Variants in SEPTIN11 observed in about 807,000 individuals in gnomAD.
SEPTIN11 encodes the protein septin 11, also known as septin-11.
Under a neutral mutation model 51.4 loss-of-function variants are expected in SEPTIN11, and 25 were observed. The observed-to-expected ratio is 0.49, with a 90% CI of 0.35 to 0.68. The LOEUF (loss-of-function observed/expected upper bound fraction) is 0.68, where lower values mean the gene tolerates loss of function less well. Ranked by LOEUF, SEPTIN11 falls within the 30% of genes least tolerant of loss-of-function variation. The probability of loss-of-function intolerance (pLI) is 0.00; values close to 1 mark genes in which losing one functional copy is unlikely to be tolerated. For missense variants in SEPTIN11, 381 were observed against 520.8 expected (o/e 0.73, Z 2.61); for synonymous variants, 174 against 184.1 (o/e 0.95, Z 0.44).
chr4:77,001,292 A>G (rs1156634820), intron 2 of SEPTIN11, among the ~76,000 whole-genome samples: 3 of 152,230 alleles, frequency 2.0e-5, no homozygotes, highest in Non-Finnish European at 2.9e-5. Flanking sequence ...AAAAAAATCT[A>G]TCACAGTGGC....
rs1328639853 is a variant in SEPTIN11, at chr4:77,038,202, G to C, written c.*3690G>C. On this transcript the variant is annotated 3_prime_UTR_variant, in exon 10 of 10. Transcript: ENST00000264893. ...CCTACAAAGTCTAGTTTGTATGTAG[G>C]TATGAAGGGAATTTTTTAAATAAAT... is the stretch of plus-strand genomic sequence containing the variant. 11 of 985,552 alleles carry C rather than the reference G, an allele frequency of 1.1e-5. No homozygotes were observed. Among genetic ancestry groups the C allele is most frequent in the Non-Finnish European group, 1.3e-5 (11 of 829,760 alleles). The allele number at this position is 985,552 out of a possible 1,614,324, so 61.1% of individuals were successfully genotyped here. A position where few individuals can be genotyped will look rare whatever the true frequency, so the allele number is the denominator to read the frequency against.
At chr4:76,967,165 G>A (rs1722068282) in intron 1 of SEPTIN11, among the ~76,000 whole-genome samples, 1 of 151,946 alleles carries the variant, frequency 6.6e-6, no homozygotes, top group Non-Finnish European at 1.5e-5. Flanking sequence ...CCCCTTTACT[G>A]CAGCCTGGGT....
At chr4:76,985,470 G>A (rs1722977584) in intron 1 of SEPTIN11, among the ~76,000 whole-genome samples, 1 of 152,098 alleles carries the variant, frequency 6.6e-6, no homozygotes, top group Non-Finnish European at 1.5e-5. Flanking sequence ...TTTCAACAGC[G>A]TTTTTCCTAA....
intron 5 of SEPTIN11, among the ~76,000 whole-genome samples, chr4:77,015,808 C>T (rs1189514143): frequency 3.9e-5 from 6 of 152,230 alleles, no homozygotes; most frequent in African/African-American, 9.6e-5. Flanking sequence ...AGGAAATAGG[C>T]ATGATGGGGT....
intron 1 of SEPTIN11, among the ~76,000 whole-genome samples, chr4:76,976,204 G>T (rs1248991985): frequency 6.6e-6 from 1 of 152,142 alleles, no homozygotes; most frequent in Non-Finnish European, 1.5e-5. Context: ...ACTGTATTTT[G>T]TATTCAACAT....
At chr4:76,965,817 T>A (rs906898525) in intron 1 of SEPTIN11, among the ~76,000 whole-genome samples, 1 of 152,194 alleles carries the variant, frequency 6.6e-6, no homozygotes, top group African/African-American at 2.4e-5. Flanking sequence ...TTTGGAACCC[T>A]ATACACGGTA....
intron 5 of SEPTIN11, among the ~76,000 whole-genome samples, chr4:77,017,505 T>C (rs1413221749): frequency 6.6e-6 from 1 of 152,174 alleles, no homozygotes; most frequent in Non-Finnish European, 1.5e-5. Context: ...GGGGAAACAA[T>C]AGGGTTCAGG....
intron 1 of SEPTIN11, among the ~76,000 whole-genome samples, chr4:76,978,006 A>G (rs141357468): frequency 6.6e-6 from 1 of 152,184 alleles, no homozygotes; most frequent in Non-Finnish European, 1.5e-5. Flanking sequence ...TGCAACTTCT[A>G]TGTAAGCTTT....
chr4:77,034,458 AT>A, intron 9 of SEPTIN11, 38 bp from the exon 10 acceptor site: 1 of 1,474,954 alleles, frequency 6.8e-7, no homozygotes, highest in South Asian at 1.4e-5. Context: ...TTAATTTATT[AT>A]TATTTCTAAC....
At chr4:77,020,748 C>A (rs773604617) in intron 7 of SEPTIN11, 78 bp downstream of exon 7, 12 of 1,367,474 alleles carry the variant, frequency 8.8e-6, no homozygotes, top group Non-Finnish European at 1.2e-5. Context: ...GAAATGCTTG[C>A]TGGATTGAGA....
At chr4:76,972,587 T>C (rs537584461) in intron 1 of SEPTIN11, 1 of 152,318 alleles carries the variant, frequency 6.6e-6, no homozygotes, top group African/African-American at 2.4e-5. Context: ...GAAATGTTTA[T>C]GAGGTAATTA....
At position 77,038,014 on chromosome 4, in the gene SEPTIN11, C is replaced by T; in HGVS notation, c.*3502C>T. 2 of 985,808 alleles carry T rather than the reference C, an allele frequency of 2.0e-6. No homozygotes were observed. The highest frequency in any genetic ancestry group is 1.7e-5 in the African/African-American group (1 of 57,344). 61.1% of individuals were successfully genotyped at this position (985,808 alleles called of 1,614,324 possible). On this transcript the variant is annotated 3_prime_UTR_variant, in exon 10 of 10. Coordinates refer to ENST00000264893, the MANE Select transcript of SEPTIN11 (RefSeq NM_018243.4). The stretch of plus-strand genomic sequence containing the variant: ...ATACAAACTATTGGGTGAGGTTTTT[C>T]AGCTGTTACCGACCCACGTCCTGCT...
At chr4:76,958,877 G>C (rs1721679981) in intron 1 of SEPTIN11, 1 of 1,497,508 alleles carries the variant, frequency 6.7e-7, no homozygotes, top group Non-Finnish European at 9.3e-7. Flanking sequence ...CATTATGGTG[G>C]CTTCAAGCTT....
chr4:77,002,978 C>T (rs750893799), intron 2 of SEPTIN11, among the ~76,000 whole-genome samples: 5 of 152,164 alleles, frequency 3.3e-5, no homozygotes, highest in Admixed American at 3.3e-4. Flanking sequence ...GATGGATTTC[C>T]GATGCTCTAC....
chr4:76,995,470 T>C (rs576908972), intron 1 of SEPTIN11, among the ~76,000 whole-genome samples: 1 of 152,276 alleles, frequency 6.6e-6, no homozygotes, highest in East Asian at 1.9e-4. Flanking sequence ...TCCAGTATTT[T>C]GAATATAAAG....
chr4:77,017,605 G>C (rs757621469), intron 5 of SEPTIN11, among the ~76,000 whole-genome samples: 1 of 152,174 alleles, frequency 6.6e-6, no homozygotes, highest in Non-Finnish European at 1.5e-5. Context: ...TATCTTGAGC[G>C]TCCAACAAAA....
intron 6 of SEPTIN11, among the ~76,000 whole-genome samples, chr4:77,020,276 G>A (rs1156978809): frequency 6.6e-6 from 1 of 152,196 alleles, no homozygotes; most frequent in African/African-American, 2.4e-5. Context: ...GCTCTGTGCT[G>A]AGTAGGCACT....
In SEPTIN11 at chr4:77,037,026, C is replaced by T; in HGVS notation, c.*2514C>T. On this transcript the variant is annotated 3_prime_UTR_variant, in exon 10 of 10. Transcript: ENST00000264893. ...ATTTATATTTTTTTCACAAGAACCA[C>T]ATAATAAATTCCACTTCTTGACCTG... The T allele has an allele frequency of 8.1e-7, 1 of 1,228,866 alleles. No individual in the cohort carries two copies. The highest frequency in any genetic ancestry group is 1.0e-6 in the Non-Finnish European group (1 of 987,736). 76.1% of individuals were successfully genotyped at this position (1,228,866 alleles called of 1,614,324 possible).
chr4:77,011,604 G>A (rs1560731338), intron 3 of SEPTIN11, 131 bp from the exon 4 acceptor site: 4 of 735,012 alleles, frequency 5.4e-6, no homozygotes, highest in East Asian at 2.7e-5. Flanking sequence ...ATCAGGTGAT[G>A]GAAGGCCTGG....
Sources: gnomAD v4.1 joint callset for allele counts (sites outside exome capture counted in the v4.1 genomes callset) on GRCh38, gnomAD v4.1.1 for gene constraint, MANE v1.5 for transcripts, NCBI Gene and HGNC (gene_info 2026-07-23, HGNC 2026-07-21) for gene names.